ZFHX3: variants seen among roughly 807,000 people sequenced by gnomAD.
ZFHX3 encodes the protein zinc finger homeobox protein 3.
ZFHX3 carries 42 observed loss-of-function variants against 279.1 expected under a neutral mutation model. That is an observed-to-expected ratio of 0.15 (90% confidence interval 0.12 to 0.19). ZFHX3 has a LOEUF of 0.19. ZFHX3 is among the 10% of genes least tolerant of loss of function. ZFHX3 has a pLI of 1.00. For missense variants in ZFHX3, 4,981 were observed against 4,754.0 expected, an observed-to-expected ratio of 1.05 and a Z score of -1.40; for synonymous variants, 2,293 against 1,957.8, an observed-to-expected ratio of 1.17 and a Z score of -4.52.
intron 1 of ZFHX3, among the ~76,000 whole-genome samples, chr16:73,042,843 C>T (rs1455069148): frequency 6.6e-6 from 1 of 151,980 alleles, no homozygotes; most frequent in Non-Finnish European, 1.5e-5. Context: ...CCATACATTC[C>T]TAACTGCTGC....
chr16:73,759,340 G>A (rs1158339928), intron 1 of ZFHX3, among the ~76,000 whole-genome samples: 1 of 152,120 alleles, frequency 6.6e-6, no homozygotes, highest in African/African-American at 2.4e-5. Flanking sequence ...GCAAAGGAGG[G>A]ACCTGTCCCT....
At chr16:73,612,691 T>A (rs964113790) in intron 2 of ZFHX3, among the ~76,000 whole-genome samples, 2 of 152,232 alleles carry the variant, frequency 1.3e-5, no homozygotes, top group African/African-American at 4.8e-5. Flanking sequence ...AGGACCATCC[T>A]ATCAGTGATC....
chr16:72,983,800 G>C (rs1222571047), intron 1 of ZFHX3, among the ~76,000 whole-genome samples: 1 of 152,072 alleles, frequency 6.6e-6, no homozygotes, highest in Non-Finnish European at 1.5e-5. Flanking sequence ...CCTACCATCT[G>C]TCCTTGGAGC....
chr16:73,017,149 C>T (rs186593420), intron 1 of ZFHX3, among the ~76,000 whole-genome samples: 5 of 151,666 alleles, frequency 3.3e-5, no homozygotes, highest in Admixed American at 3.3e-4. Context: ...GATCACCTCC[C>T]TCAGCCTTGG....
At chr16:72,990,902 C>T (rs1472097993) in intron 1 of ZFHX3, among the ~76,000 whole-genome samples, 1 of 151,976 alleles carries the variant, frequency 6.6e-6, no homozygotes. Flanking sequence ...ATCGCTTAAA[C>T]TCGGGAGGCG....
chr16:73,115,949 C>T (rs8047264), intron 7 of ZFHX3, among the ~76,000 whole-genome samples: 5,678 of 152,018 alleles, frequency 0.037, 359 homozygotes, highest in African/African-American at 0.13. Context: ...TGGAGAAACC[C>T]CGTCTCTGTT....
intron 3 of ZFHX3, among the ~76,000 whole-genome samples, chr16:73,451,709 T>C (rs561756642): frequency 1.8e-4 from 28 of 152,160 alleles, no homozygotes; most frequent in Non-Finnish European, 3.4e-4. Context: ...TTCTGTTAAC[T>C]GGGAAATGAC....
At chr16:73,508,310 C>T (rs899817063) in intron 2 of ZFHX3, among the ~76,000 whole-genome samples, 2 of 152,016 alleles carry the variant, frequency 1.3e-5, no homozygotes, top group African/African-American at 2.4e-5. Flanking sequence ...TATTGACTGC[C>T]CTTTTTGTTG....
chr16:73,645,794 C>T (rs2052613398), intron 2 of ZFHX3, among the ~76,000 whole-genome samples: 1 of 152,166 alleles, frequency 6.6e-6, no homozygotes, highest in South Asian at 2.1e-4. Context: ...GGCTAAATGA[C>T]ATGACTTTTG....
chr16:72,960,315 A>C, intron 1 of ZFHX3, 121 bp from the exon 2 acceptor site: 1 of 716,990 alleles, frequency 1.4e-6, no homozygotes, highest in Non-Finnish European at 2.1e-6. Context: ...GCTTCTGTCC[A>C]CAACACAGAG....
At chr16:73,104,388 G>A (rs142101508) in intron 7 of ZFHX3, among the ~76,000 whole-genome samples, 2,427 of 152,080 alleles carry the variant, frequency 0.016, 73 homozygotes, top group African/African-American at 0.053. Flanking sequence ...GCACCACCAC[G>A]TCCAGCTAAT....
At position 73,386,765 on chromosome 16, in the gene ZFHX3, A is replaced by T. The variant is rs2016909996; in HGVS notation, c.-1290-68429T>A. On this transcript the variant is annotated intron_variant, in intron 3 of 17. Coordinates refer to the ZFHX3 transcript ENST00000641206. ...ATATGTGGAAGCAAAAAAAAAAAAG[A>T]TTCTAGAGATTGGAGGAGTTGCTGA... 2.0e-5 allele frequency: 3 copies of T among 151,762 alleles called. No individual in the cohort carries two copies. In the South Asian group the frequency reaches 6.2e-4, roughly 32 times the overall value. The allele number at this position is 151,762 out of a possible 1,614,324, so 9.4% of individuals were successfully genotyped here. A position where few individuals can be genotyped will look rare whatever the true frequency, so the allele number is the denominator to read the frequency against.
chr16:73,470,670 A>T (rs2018650499), intron 2 of ZFHX3, among the ~76,000 whole-genome samples: 1 of 152,216 alleles, frequency 6.6e-6, no homozygotes, highest in Non-Finnish European at 1.5e-5. Context: ...ATGTAATAAG[A>T]CAGCTCTATG....
chr16:72,916,891 A>G (rs867017191), intron 3 of ZFHX3, among the ~76,000 whole-genome samples: 2 of 152,116 alleles, frequency 1.3e-5, no homozygotes, highest in Non-Finnish European at 2.9e-5. Flanking sequence ...GAAAGACTAA[A>G]AGGGGATGGA....
intron 4 of ZFHX3, among the ~76,000 whole-genome samples, chr16:72,846,882 C>G (rs2037494941): frequency 6.6e-6 from 1 of 152,192 alleles, no homozygotes; most frequent in South Asian, 2.1e-4. Context: ...CAGTGGCTAT[C>G]CTTTGCCATG....
chr16:73,147,521 T>G (rs1003185457), intron 5 of ZFHX3, among the ~76,000 whole-genome samples: 1 of 150,048 alleles, frequency 6.7e-6, no homozygotes, highest in African/African-American at 2.5e-5. Flanking sequence ...TGAAACCCCG[T>G]CTCTACTAAA....
intron 1 of ZFHX3, among the ~76,000 whole-genome samples, chr16:73,830,276 G>GCA (rs1461200140): frequency 7.0e-6 from 1 of 142,104 alleles, no homozygotes; most frequent in African/African-American, 2.6e-5. Context: ...CGCACGGTGC[G>GCA]CACACACACT....
At chr16:73,325,928 A>AACAC (rs140609871) in intron 3 of ZFHX3, among the ~76,000 whole-genome samples, 43 of 145,570 alleles carry the variant, frequency 3.0e-4, no homozygotes, top group African/African-American at 7.8e-4. Flanking sequence ...CACACACACA[A>AACAC]ACACACACAC....
At position 73,064,792 on chromosome 16, in the gene ZFHX3, C is replaced by G. The variant is rs1176859210; in HGVS notation, c.-532-5780G>C. Among the ~76,000 whole-genome samples, 3 of 152,170 alleles carry G rather than the reference C, an allele frequency of 2.0e-5. No individual in the cohort carries two copies. The East Asian group carries it at 5.8e-4, about 29-fold the overall frequency. ...GTCAGATTCCCAGTTTCCTCAGCTT[C>G]TTTGCAATGGAAATCTGAAATCCAA... On this transcript the variant is annotated intron_variant, in intron 8 of 17. Transcript: ENST00000641206.
Sources: gnomAD v4.1 joint callset for allele counts (sites outside exome capture counted in the v4.1 genomes callset) on GRCh38, gnomAD v4.1.1 for gene constraint, MANE v1.5 for transcripts, NCBI Gene and HGNC (gene_info 2026-07-23, HGNC 2026-07-21) for gene names.